COL27A1: variants seen among roughly 807,000 people sequenced by gnomAD.
COL27A1 encodes collagen type XXVII alpha 1 chain, also known as collagen alpha-1(XXVII) chain.
In COL27A1, 106 loss-of-function variants were observed where a neutral mutation model predicts 251.3. The observed-to-expected ratio is 0.42, with a 90% CI of 0.36 to 0.50. The LOEUF (loss-of-function observed/expected upper bound fraction) is 0.50. COL27A1 is among the 20% of genes least tolerant of loss of function. COL27A1 has a pLI of 0.00. For synonymous variants in COL27A1, 1,000 were observed against 986.3 expected (o/e 1.01, Z -0.26); for missense variants, 2,325 against 2,522.8 (o/e 0.92, Z 1.68).
At chr9:114,237,267 A>AT (rs1832463770) in intron 18 of COL27A1, among the ~76,000 whole-genome samples, 2 of 152,352 alleles carry the variant, frequency 1.3e-5, no homozygotes, top group South Asian at 4.1e-4. Flanking sequence ...CAAAGCTCTG[A>AT]TGAGGATCTG....
At chr9:114,172,851 G>A (rs1296659213) in intron 3 of COL27A1, among the ~76,000 whole-genome samples, 1 of 152,214 alleles carries the variant, frequency 6.6e-6, no homozygotes, top group Non-Finnish European at 1.5e-5. Flanking sequence ...GTTTTGCTGA[G>A]TGACTTTGAG....
At chr9:114,229,956 C>T (rs574620504) in intron 14 of COL27A1, among the ~76,000 whole-genome samples, 4 of 152,332 alleles carry the variant, frequency 2.6e-5, no homozygotes, top group African/African-American at 7.2e-5. Flanking sequence ...GCCTACCAGA[C>T]GCCAATAGCA....
At chr9:114,219,649 A>C (rs943559774) in intron 12 of COL27A1, 142 bp from the exon 13 acceptor site, 11 of 622,510 alleles carry the variant, frequency 1.8e-5, no homozygotes, top group Non-Finnish European at 3.2e-5. Flanking sequence ...GGGTGACCTC[A>C]GGACCGCACT....
At chr9:114,288,423 G>A (rs575931346) in intron 41 of COL27A1, 32 bp from the exon 42 acceptor site, 48 of 1,605,040 alleles carry the variant, frequency 3.0e-5, no homozygotes, top group African/African-American at 2.5e-4. Flanking sequence ...AGGAGCAGGC[G>A]GTTTGCCCTA....
At chr9:114,221,329 C>T (rs921735776) in intron 13 of COL27A1, among the ~76,000 whole-genome samples, 5 of 152,140 alleles carry the variant, frequency 3.3e-5, no homozygotes, top group African/African-American at 1.2e-4. Flanking sequence ...GCCTCTCCCT[C>T]AATACAGCAT....
intron 20 of COL27A1, 58 bp from the exon 21 acceptor site, chr9:114,240,376 C>T (rs1832675426): frequency 4.4e-6 from 7 of 1,598,748 alleles, no homozygotes; most frequent in Middle Eastern, 1.7e-4. Flanking sequence ...CCTTGCCAGC[C>T]TGCGATGGAG....
chr9:114,248,483 C>T (rs938898130), intron 24 of COL27A1, among the ~76,000 whole-genome samples: 21 of 152,338 alleles, frequency 1.4e-4, no homozygotes, highest in African/African-American at 4.6e-4. Flanking sequence ...GAACTCGGAT[C>T]CTGCCTGTGC....
At chr9:114,276,845 C>T (rs1835539742) in intron 37 of COL27A1, among the ~76,000 whole-genome samples, 2 of 152,222 alleles carry the variant, frequency 1.3e-5, no homozygotes, top group Admixed American at 6.5e-5. Context: ...GGGAAGGGAG[C>T]AGAATTCTCC....
intron 50 of COL27A1, 53 bp from the exon 51 acceptor site, chr9:114,300,571 GC>G: frequency 1.4e-6 from 2 of 1,427,580 alleles, no homozygotes; most frequent in South Asian, 1.4e-5. Context: ...AGCTGTGGGG[GC>G]CCTTTACCCA....
chr9:114,164,617 G>C (rs1226031985), intron 2 of COL27A1, among the ~76,000 whole-genome samples: 2 of 152,354 alleles, frequency 1.3e-5, no homozygotes, highest in African/African-American at 2.4e-5. Context: ...CCCTCCGGGG[G>C]TTGTTGAGCA....
At chr9:114,300,498 G>T (rs1828541140) in intron 50 of COL27A1, 127 bp from the exon 51 acceptor site, 2 of 652,496 alleles carry the variant, frequency 3.1e-6, no homozygotes, top group Admixed American at 6.7e-5. Context: ...TCCTTCTGGG[G>T]CCTCTCAGGT....
intron 27 of COL27A1, among the ~76,000 whole-genome samples, chr9:114,257,600 G>A (rs1169849207): frequency 2.6e-5 from 4 of 151,500 alleles, no homozygotes; most frequent in Non-Finnish European, 5.9e-5. Context: ...AAACCAAGAT[G>A]GCTGCCCATT....
chr9:114,264,614 G>A (rs746085744), intron 29 of COL27A1, among the ~76,000 whole-genome samples: 1 of 152,162 alleles, frequency 6.6e-6, no homozygotes, highest in Non-Finnish European at 1.5e-5. Flanking sequence ...CAAGAAAGGA[G>A]GAGGGAGATC....
At position 114,310,687 on chromosome 9, in the gene COL27A1, T is replaced by C; in HGVS notation, c.5575T>C (p.Phe1859Leu). The C allele has an allele frequency of 1.9e-6, 3 of 1,614,186 alleles. No individual in the cohort carries two copies. Among genetic ancestry groups the C allele is most frequent in the Non-Finnish European group, 2.5e-6 (3 of 1,180,034 alleles). The change falls in exon 61 of 61, where the codon TTC (phenylalanine) becomes CTC (leucine). Residue 1859 changes from phenylalanine (F) to leucine (L), a missense_variant. By Grantham distance (22) the Phe-to-Leu change is conservative. This residue lies in a region of COL27A1 where 327 missense variants were observed against 442.8 expected (regional missense o/e 0.74). Transcript: ENST00000356083. ...CCGCCTGGAAGTTGGACCTGCGTGC[T>C]TCCTCTGACCTCTGACCTCGTGGCC... is the stretch of plus-strand genomic sequence containing the variant. The part of the protein sequence containing the change: ...QYRLEVGPAC[F>L]L
At chr9:114,159,135 T>C (rs1045962001) in intron 1 of COL27A1, among the ~76,000 whole-genome samples, 1 of 152,232 alleles carries the variant, frequency 6.6e-6, no homozygotes, top group Non-Finnish European at 1.5e-5. Flanking sequence ...GGAGGTTGAA[T>C]ACTTCTGTAA....
chr9:114,234,783 T>C (rs1832240051), intron 16 of COL27A1, among the ~76,000 whole-genome samples: 1 of 151,978 alleles, frequency 6.6e-6, no homozygotes, highest in South Asian at 2.1e-4. Context: ...AAATAGTTAA[T>C]TAGAAGTAGA....
At chr9:114,239,580 C>T (rs766293120) in intron 19 of COL27A1, among the ~76,000 whole-genome samples, 3 of 152,052 alleles carry the variant, frequency 2.0e-5, no homozygotes, top group Admixed American at 6.5e-5. Flanking sequence ...AGGAGGAGCA[C>T]GAGGATATTG....
intron 55 of COL27A1, 32 bp downstream of exon 55, chr9:114,301,749 C>G (rs752075773): frequency 6.2e-7 from 1 of 1,605,446 alleles, no homozygotes; most frequent in Non-Finnish European, 8.5e-7. Context: ...GCATCTTGGA[C>G]TCCTGGGGGG....
At chr9:114,219,333 G>A (rs1228826694) in intron 12 of COL27A1, among the ~76,000 whole-genome samples, 2 of 152,178 alleles carry the variant, frequency 1.3e-5, no homozygotes, top group African/African-American at 4.8e-5. Context: ...TCTGTCAAAT[G>A]GGGATCATGA....
Sources: allele counts gnomAD v4.1 joint callset (sites outside exome capture counted in the v4.1 genomes callset), GRCh38; gene constraint gnomAD v4.1.1; regional missense constraint gnomAD v4.1.1; transcripts MANE v1.5; gene names NCBI Gene and HGNC (gene_info 2026-07-23, HGNC 2026-07-21).